Variants in STAU2 observed in about 807,000 individuals in gnomAD.
The protein encoded by STAU2 is staufen double-stranded RNA binding protein 2.
In STAU2, 20 loss-of-function variants were observed where a neutral mutation model predicts 65.9. That is an observed-to-expected ratio of 0.30 (90% CI 0.21 to 0.44). The LOEUF is 0.44. Ranked by LOEUF, STAU2 falls within the 20% of genes least tolerant of loss-of-function variation. The pLI, the probability that STAU2 is intolerant of heterozygous loss-of-function variation, is 1.00. For synonymous variants in STAU2, 232 were observed against 233.9 expected (o/e 0.99, Z 0.07); for missense variants, 558 against 683.9 (o/e 0.82, Z 2.05).
At chr8:73,423,154 A>G (rs1340150213) in intron 13 of STAU2, among the ~76,000 whole-genome samples, 2 of 152,234 alleles carry the variant, frequency 1.3e-5, no homozygotes, top group African/African-American at 4.8e-5. Flanking sequence ...ACAGAATGTC[A>G]GCAGAGGAAT....
intron 4 of STAU2, among the ~76,000 whole-genome samples, chr8:73,704,917 T>G (rs1384002734): frequency 1.3e-5 from 2 of 152,168 alleles, no homozygotes. Context: ...TCTGCCCACC[T>G]TGGCCTCCCA....
At chr8:73,636,807 G>A (rs567965815) in intron 6 of STAU2, among the ~76,000 whole-genome samples, 1 of 150,630 alleles carries the variant, frequency 6.6e-6, no homozygotes, top group Non-Finnish European at 1.5e-5. Context: ...AGGTTACAGT[G>A]AGCCAAGATC....
intron 6 of STAU2, among the ~76,000 whole-genome samples, chr8:73,633,475 A>C (rs1018837372): frequency 6.6e-6 from 1 of 152,186 alleles, no homozygotes; most frequent in African/African-American, 2.4e-5. Context: ...ACAAGTTCAA[A>C]GTGAAAGGAT....
chr8:73,537,729 G>T (rs935810323), intron 13 of STAU2, among the ~76,000 whole-genome samples: 3 of 152,168 alleles, frequency 2.0e-5, no homozygotes, highest in African/African-American at 7.2e-5. Flanking sequence ...GAAACAGAAC[G>T]GAAATGATAA....
chr8:73,715,451 C>CAAA (rs35959123), intron 3 of STAU2, among the ~76,000 whole-genome samples: 5 of 123,696 alleles, frequency 4.0e-5, no homozygotes, highest in African/African-American at 6.3e-5. Context: ...GTGAGACTGT[C>CAAA]AAAAAAAAAA....
At chr8:73,724,005 T>TTTTTATAATTTACTAGTTCGC (rs1821864637) in intron 3 of STAU2, among the ~76,000 whole-genome samples, 1 of 152,016 alleles carries the variant, frequency 6.6e-6, no homozygotes, top group Non-Finnish European at 1.5e-5. Context: ...TCAAGTCTTG[T>TTTTTATAATTTACTAGTTCGC]TTTTATAATT....
chr8:73,728,847 T>C (rs921213861), intron 3 of STAU2, among the ~76,000 whole-genome samples: 6 of 152,252 alleles, frequency 3.9e-5, no homozygotes, highest in African/African-American at 1.4e-4. Flanking sequence ...TTTCTATATA[T>C]AGGACCATGT....
intron 13 of STAU2, among the ~76,000 whole-genome samples, chr8:73,496,557 TA>T (rs1821431122): frequency 6.6e-6 from 1 of 151,670 alleles, no homozygotes; most frequent in Admixed American, 6.6e-5. Flanking sequence ...ATCTTTGACA[TA>T]AAAGTGTTGA....
At chr8:73,744,343 A>G (rs952685525) in intron 1 of STAU2, among the ~76,000 whole-genome samples, 1 of 152,248 alleles carries the variant, frequency 6.6e-6, no homozygotes, top group East Asian at 1.9e-4. Flanking sequence ...GTCTCAAACT[A>G]TGCAGTCTAA....
Position 73,720,499 on chromosome 8 carries a change from CTTTTTTTT to C in STAU2, c.-17-11345_-17-11338del, listed in dbSNP as rs1174035145. ...GTTGTCATTTAGTTTAAAATACTTTCTTTTTTTTTTTTTTTTTTTTTTTTGAGACGGAG... is the reference window on the plus strand; with the variant it reads ...GTTGTCATTTAGTTTAAAATACTTTCTTTTTTTTTTTTTTTTGAGACGGAG... On this transcript the variant is annotated intron_variant, in intron 3 of 14. Coordinates refer to ENST00000524300, the MANE Select transcript of STAU2 (RefSeq NM_001164380.2). 5.4e-4 allele frequency among the ~76,000 whole-genome samples: 21 copies of C among 39,104 alleles called. 4 individuals are homozygous for C. Among genetic ancestry groups the C allele is most frequent in the Middle Eastern group, 0.045 (1 of 22 alleles). 25.7% of individuals were successfully genotyped at this position (39,104 alleles called of 152,430 possible).
intron 13 of STAU2, among the ~76,000 whole-genome samples, chr8:73,450,618 T>C (rs1170444032): frequency 6.6e-6 from 1 of 152,264 alleles, no homozygotes; most frequent in African/African-American, 2.4e-5. Context: ...ATTCTTCTGA[T>C]GACAAATGTT....
intron 13 of STAU2, among the ~76,000 whole-genome samples, chr8:73,450,945 T>C (rs1437835270): frequency 1.3e-5 from 2 of 152,190 alleles, no homozygotes; most frequent in Non-Finnish European, 2.9e-5. Flanking sequence ...CCTGCTCTTT[T>C]AGGATGTTTG....
intron 5 of STAU2, among the ~76,000 whole-genome samples, chr8:73,678,959 T>C (rs560404480): frequency 6.6e-6 from 1 of 152,288 alleles, no homozygotes; most frequent in Admixed American, 6.5e-5. Flanking sequence ...TCTATGTGAT[T>C]TGATTATGAA....
chr8:73,500,888 A>C (rs1274586506), intron 13 of STAU2, among the ~76,000 whole-genome samples: 2 of 151,954 alleles, frequency 1.3e-5, no homozygotes, highest in Admixed American at 6.6e-5. Context: ...AAACAAGGAG[A>C]TGAATGGTTA....
chr8:73,463,908 G>A (rs1304004369), intron 13 of STAU2, among the ~76,000 whole-genome samples: 1 of 152,182 alleles, frequency 6.6e-6, no homozygotes, highest in African/African-American at 2.4e-5. Context: ...CACCTTGTGT[G>A]TACTGAGAAG....
chr8:73,487,484 T>C (rs907363165), intron 13 of STAU2, among the ~76,000 whole-genome samples: 1 of 152,120 alleles, frequency 6.6e-6, no homozygotes, highest in Non-Finnish European at 1.5e-5. Flanking sequence ...ATTTACTTCT[T>C]TCTCCTTTTT....
intron 13 of STAU2, among the ~76,000 whole-genome samples, chr8:73,451,281 T>G (rs1005681414): frequency 7.9e-5 from 12 of 152,188 alleles, no homozygotes; most frequent in African/African-American, 2.9e-4. Context: ...CCCTAAAATA[T>G]GCTTTTCCAG....
chr8:73,688,962 C>T (rs1331446410), intron 4 of STAU2, 149 bp from the exon 5 acceptor site: 2 of 919,500 alleles, frequency 2.2e-6, no homozygotes, highest in Admixed American at 2.9e-5. Context: ...AAATCTTACT[C>T]TACCTAGTGA....
intron 13 of STAU2, among the ~76,000 whole-genome samples, chr8:73,469,231 C>G (rs941172629): frequency 2.6e-5 from 4 of 152,040 alleles, no homozygotes; most frequent in Admixed American, 1.3e-4. Context: ...CGCATGTTCT[C>G]ACTCATAGGT....
Sources: gnomAD v4.1 joint callset for allele counts (sites outside exome capture counted in the v4.1 genomes callset) on GRCh38, gnomAD v4.1.1 for gene constraint, MANE v1.5 for transcripts, NCBI Gene and HGNC (gene_info 2026-07-23, HGNC 2026-07-21) for gene names.